PCDHGA1: variants seen among roughly 807,000 people sequenced by gnomAD.
PCDHGA1 encodes protocadherin gamma subfamily A, 1.
PCDHGA1 carries 32 observed loss-of-function variants against 58.0 expected under a neutral mutation model. That is an observed-to-expected ratio of 0.55 (90% CI 0.42 to 0.74). The LOEUF is 0.74. PCDHGA1 is among the 30% of genes least tolerant of loss of function. The pLI, the probability that PCDHGA1 is intolerant of heterozygous loss-of-function variation, is 0.00. For missense variants in PCDHGA1, 1,205 were observed against 1,182.3 expected (o/e 1.02, Z -0.28); for synonymous variants, 498 against 501.1 (o/e 0.99, Z 0.08).
At chr5:141,473,167 C>T (rs1360150717) in intron 1 of PCDHGA1, among the ~76,000 whole-genome samples, 2 of 152,122 alleles carry the variant, frequency 1.3e-5, no homozygotes. Flanking sequence ...TAGGAAGGCC[C>T]ACTGGTAACT....
intron 1 of PCDHGA1, among the ~76,000 whole-genome samples, chr5:141,447,954 CGGACACCTA>C (rs2098556369): frequency 6.6e-6 from 1 of 151,814 alleles, no homozygotes; most frequent in Non-Finnish European, 1.5e-5. Context: ...GGCATGGTGG[CGGACACCTA>C]TAATCCCAGC....
Position 141,334,039 on chromosome 5 carries a change from T to A in PCDHGA1, c.2421+934T>A, listed in dbSNP as rs1425686041. 1 of 152,152 alleles carries A rather than the reference T, an allele frequency of 6.6e-6. No individual in the cohort carries two copies. The allele number at this position is 152,152 out of a possible 1,614,324, so 9.4% of individuals were successfully genotyped here. Reference sequence around the variant, plus strand: ...TTAACTTTTCAGAAGAAAAAAAAAGTATGGTCGGGGAGTAAGTCCATGCTT... The same window carrying A: ...TTAACTTTTCAGAAGAAAAAAAAAGAATGGTCGGGGAGTAAGTCCATGCTT... On this transcript the variant is annotated intron_variant, in intron 1 of 3. Coordinates refer to ENST00000517417, the MANE Select transcript of PCDHGA1 (RefSeq NM_018912.3). The surrounding 1 kb of genome is among the most constrained non-coding windows in gnomAD (Gnocchi z 4.6).
At chr5:141,340,283 AT>A (rs1346061137) in intron 1 of PCDHGA1, 1 of 1,614,112 alleles carries the variant, frequency 6.2e-7, no homozygotes, top group South Asian at 1.1e-5. Flanking sequence ...GGATGCTCAC[AT>A]TTTGCTCCAG....
chr5:141,459,579 T>G (rs1047850142), intron 1 of PCDHGA1, among the ~76,000 whole-genome samples: 2 of 152,212 alleles, frequency 1.3e-5, no homozygotes, highest in African/African-American at 4.8e-5. Context: ...AGAATTGTTT[T>G]GGGGGTCATA....
At chr5:141,344,328 A>G in intron 1 of PCDHGA1, 2 of 1,614,060 alleles carry the variant, frequency 1.2e-6, no homozygotes, top group Non-Finnish European at 8.5e-7. Context: ...CTGCGCTCAG[A>G]TCCCGCTGTG....
At chr5:141,372,565 A>T (rs1005971734) in intron 1 of PCDHGA1, 4 of 1,614,038 alleles carry the variant, frequency 2.5e-6, no homozygotes, top group Non-Finnish European at 3.4e-6. Context: ...CCCGCCACTG[A>T]GGGCTACTTT....
intron 1 of PCDHGA1, chr5:141,409,619 C>A: frequency 6.2e-7 from 1 of 1,613,898 alleles, no homozygotes; most frequent in Non-Finnish European, 8.5e-7. Flanking sequence ...CTCCATTGCG[C>A]AAGTGAGCGC....
At chr5:141,401,805 G>C (rs1307812903) in intron 1 of PCDHGA1, among the ~76,000 whole-genome samples, 1 of 152,132 alleles carries the variant, frequency 6.6e-6, no homozygotes, top group Non-Finnish European at 1.5e-5. Context: ...TTCAGTAAAT[G>C]GGTTCCTTAC....
chr5:141,496,144 T>C (rs1478887814), intron 2 of PCDHGA1, among the ~76,000 whole-genome samples: 1 of 151,780 alleles, frequency 6.6e-6, no homozygotes, highest in Non-Finnish European at 1.5e-5. Context: ...GAGCCTTTGA[T>C]CGCAGCTCTC....
At chr5:141,420,887 G>C (rs2096530920) in intron 1 of PCDHGA1, among the ~76,000 whole-genome samples, 1 of 152,204 alleles carries the variant, frequency 6.6e-6, no homozygotes, top group African/African-American at 2.4e-5. Context: ...GTGTATCATC[G>C]TTTTTAAGCT....
At chr5:141,481,813 G>C (rs185558948) in intron 1 of PCDHGA1, among the ~76,000 whole-genome samples, 1 of 151,824 alleles carries the variant, frequency 6.6e-6, no homozygotes, top group African/African-American at 2.4e-5. Flanking sequence ...TTCACCAGGC[G>C]TGGTGGCTGA....
chr5:141,393,896 T>G (rs754023896), intron 1 of PCDHGA1: 1 of 1,613,942 alleles, frequency 6.2e-7, no homozygotes, highest in Non-Finnish European at 8.5e-7. Context: ...AAAATTCTCT[T>G]CCCGGGACAG....
intron 1 of PCDHGA1, among the ~76,000 whole-genome samples, chr5:141,463,438 CTTTTTTTTTTTTTTTT>C (rs71576115): frequency 1.9e-5 from 2 of 103,256 alleles, no homozygotes; most frequent in African/African-American, 4.5e-5. Context: ...TTTCCTTCTC[CTTTTTTTTTTTTTTTT>C]TTTTTTTTTT....
intron 1 of PCDHGA1, chr5:141,355,008 C>G (rs959780132): frequency 1.5e-5 from 12 of 807,364 alleles, no homozygotes; most frequent in Non-Finnish European, 1.8e-5. Context: ...AAAGACAAAC[C>G]AGAAATTTAA....
At chr5:141,346,623 C>T in intron 1 of PCDHGA1, 1 of 1,041,560 alleles carries the variant, frequency 9.6e-7, no homozygotes, top group East Asian at 2.6e-5. Context: ...GACTGCACTC[C>T]CCGGTCTGGT....
intron 1 of PCDHGA1, among the ~76,000 whole-genome samples, chr5:141,446,868 C>T (rs980547855): frequency 6.6e-6 from 1 of 152,160 alleles, no homozygotes; most frequent in Non-Finnish European, 1.5e-5. Flanking sequence ...TAGCTCTACA[C>T]TGGTATGTTT....
chr5:141,399,628 G>A (rs775633916), intron 1 of PCDHGA1: 23 of 1,613,772 alleles, frequency 1.4e-5, no homozygotes, highest in South Asian at 2.2e-5. Context: ...GGCCTCTTAC[G>A]TGTCCATGAG....
chr5:141,379,889 C>CTTTTTTTTTTTTTTTTTTTTTTTTTTTT lies in PCDHGA1; in HGVS notation c.2421+46787_2421+46814dup, dbSNP rs70988800. On this transcript the variant is annotated intron_variant, in intron 1 of 3. Transcript: ENST00000517417. The stretch of plus-strand genomic sequence containing the variant: ...CTTATTTTATGGTCTGTGAAAGCCT[C>CTTTTTTTTTTTTTTTTTTTTTTTTTTTT]TTTTTTTTTTTTTTTTTTTTTTTTT... Among the ~76,000 whole-genome samples the CTTTTTTTTTTTTTTTTTTTTTTTTTTTT allele has an allele frequency of 5.5e-4, 28 of 50,832 alleles. 8 individuals are homozygous for CTTTTTTTTTTTTTTTTTTTTTTTTTTTT. The highest frequency in any genetic ancestry group is 7.7e-4 in the Non-Finnish European group (20 of 25,882). 33.3% of individuals were successfully genotyped at this position (50,832 alleles called of 152,430 possible). A position where few individuals can be genotyped will look rare whatever the true frequency, so the allele number is the denominator to read the frequency against.
Position 141,393,047 on chromosome 5 carries a change from C to G in PCDHGA1, c.2421+59942C>G, listed in dbSNP as rs778464494. ...GTAGGACGCAGCTCTTTGCTCTGAA[C>G]CCGCGCAGCGGCAGCTTGATCACCG... On this transcript the variant is annotated intron_variant, in intron 1 of 3. Transcript: ENST00000517417. 16 of 1,613,566 alleles carry G rather than the reference C, an allele frequency of 9.9e-6. No homozygotes were observed. The South Asian group carries it at 1.6e-4, about 17-fold the overall frequency.
Sources: allele counts gnomAD v4.1 joint callset (sites outside exome capture counted in the v4.1 genomes callset), GRCh38; gene constraint gnomAD v4.1.1; non-coding constraint Gnocchi (gnomAD v3.1); transcripts MANE v1.5; gene names NCBI Gene and HGNC (gene_info 2026-07-23, HGNC 2026-07-21).